Variants in TPX2 observed in about 807,000 individuals in gnomAD.
The protein encoded by TPX2 is TPX2 microtubule nucleation factor.
TPX2 carries 21 observed loss-of-function variants against 93.6 expected under a neutral mutation model. The ratio of observed to expected loss-of-function variants is 0.22; its 90% CI spans 0.16 to 0.32. The LOEUF is 0.32. TPX2 is among the 10% of genes least tolerant of loss of function. The pLI is 1.00. For missense variants in TPX2, 776 were observed against 871.1 expected (o/e 0.89, Z 1.37); for synonymous variants, 281 against 298.3 (o/e 0.94, Z 0.60).
At chr20:31,788,417 CAAA>C (rs11356550) in intron 12 of TPX2, among the ~76,000 whole-genome samples, 6 of 68,690 alleles carry the variant, frequency 8.7e-5, no homozygotes, top group Admixed American at 3.3e-4. Context: ...GACTCTGTCT[CAAA>C]AAAAAAAAAA....
intron 3 of TPX2, among the ~76,000 whole-genome samples, chr20:31,758,905 A>G (rs769819723): frequency 1.3e-5 from 2 of 152,200 alleles, no homozygotes; most frequent in Non-Finnish European, 2.9e-5. Flanking sequence ...AATAAAAAAG[A>G]AAAGAAAAGA....
chr20:31,771,931 A>G (rs190627047), intron 7 of TPX2, among the ~76,000 whole-genome samples: 173 of 151,850 alleles, frequency 1.1e-3, no homozygotes, highest in African/African-American at 3.9e-3. Context: ...GGCTCACTGC[A>G]TCCTTGACCT....
At chr20:31,775,664 C>T (rs1027192438) in intron 7 of TPX2, among the ~76,000 whole-genome samples, 2 of 152,136 alleles carry the variant, frequency 1.3e-5, no homozygotes, top group African/African-American at 4.8e-5. Flanking sequence ...ACATGAGCCA[C>T]CATGCCTGGC....
intron 2 of TPX2, among the ~76,000 whole-genome samples, chr20:31,753,894 C>T (rs1189591660): frequency 5.3e-5 from 8 of 151,842 alleles, no homozygotes; most frequent in African/African-American, 9.7e-5. Context: ...GGCGTGGTGG[C>T]GCACGCTTGT....
intron 12 of TPX2, among the ~76,000 whole-genome samples, chr20:31,791,123 G>A (rs574050377): frequency 6.6e-6 from 1 of 152,194 alleles, no homozygotes; most frequent in African/African-American, 2.4e-5. Context: ...GTAAGGAGGG[G>A]TGAGAGGTAA....
chr20:31,766,288 A>C (rs1405934670), intron 4 of TPX2, among the ~76,000 whole-genome samples: 1 of 152,054 alleles, frequency 6.6e-6, no homozygotes, highest in East Asian at 1.9e-4. Context: ...CAGTGTCCTG[A>C]AATGTCATGA....
intron 12 of TPX2, among the ~76,000 whole-genome samples, chr20:31,791,019 G>T (rs774794523): frequency 6.6e-6 from 1 of 152,096 alleles, no homozygotes; most frequent in African/African-American, 2.4e-5. Context: ...TCAAGCAGCC[G>T]GGGCATTTCA....
At chr20:31,778,718 C>A in intron 9 of TPX2, 95 bp from the exon 10 acceptor site, 1 of 1,235,958 alleles carries the variant, frequency 8.1e-7, no homozygotes, top group South Asian at 1.8e-5. Flanking sequence ...TTACACAGGC[C>A]TTTTTTATTG....
At chr20:31,747,308 A>G (rs976373485) in intron 2 of TPX2, among the ~76,000 whole-genome samples, 1 of 152,052 alleles carries the variant, frequency 6.6e-6, no homozygotes, top group Non-Finnish European at 1.5e-5. Context: ...TTTAGTAGAG[A>G]CGGGTTTCAC....
chr20:31,751,700 G>C (rs2061820654), intron 2 of TPX2, among the ~76,000 whole-genome samples: 1 of 152,104 alleles, frequency 6.6e-6, no homozygotes, highest in Non-Finnish European at 1.5e-5. Flanking sequence ...AATTGCTTTT[G>C]ACTACAGGTG....
chr20:31,747,351 T>C (rs1437151249), intron 2 of TPX2, among the ~76,000 whole-genome samples: 3 of 152,158 alleles, frequency 2.0e-5, no homozygotes, highest in Non-Finnish European at 4.4e-5. Flanking sequence ...AACTCCTGAC[T>C]TCGTGATCCG....
At chr20:31,744,312 G>A (rs1484061129) in intron 2 of TPX2, among the ~76,000 whole-genome samples, 11 of 151,136 alleles carry the variant, frequency 7.3e-5, no homozygotes, top group African/African-American at 2.4e-4. Context: ...ACAGGCACCC[G>A]CAACCACACC....
chr20:31,769,955 G>A (rs745461090), intron 5 of TPX2, among the ~76,000 whole-genome samples: 10 of 152,102 alleles, frequency 6.6e-5, no homozygotes, highest in Non-Finnish European at 1.3e-4. Flanking sequence ...GCACCAGCAC[G>A]TAGGGCTAAT....
intron 12 of TPX2, among the ~76,000 whole-genome samples, chr20:31,784,928 A>C (rs1282898276): frequency 6.6e-6 from 1 of 152,194 alleles, no homozygotes; most frequent in African/African-American, 2.4e-5. Flanking sequence ...GGTCCGGGAT[A>C]ACTCTAGAAG....
intron 5 of TPX2, 113 bp downstream of exon 5, chr20:31,766,795 C>CTTTTTTTTTTTTTTTTTTTTTTTTTTT (rs11299452): frequency 2.4e-6 from 1 of 424,330 alleles, no homozygotes; most frequent in Non-Finnish European, 3.2e-6. Flanking sequence ...CTTTATGTTA[C>CTTTTTTTTTTTTTTTTTTTTTTTTTTT]TTTTTTTTTT....
chr20:31,786,339 A>C (rs1326362249), intron 12 of TPX2, among the ~76,000 whole-genome samples: 1 of 151,696 alleles, frequency 6.6e-6, no homozygotes, highest in African/African-American at 2.4e-5. Flanking sequence ...AAAAAAAAAA[A>C]ACAACAGTCT....
intron 16 of TPX2, among the ~76,000 whole-genome samples, chr20:31,798,058 GA>G (rs1331497259): frequency 6.6e-6 from 1 of 152,058 alleles, no homozygotes; most frequent in African/African-American, 2.4e-5. Flanking sequence ...TCCAAAAAGG[GA>G]AAAAAAGAAT....
intron 7 of TPX2, among the ~76,000 whole-genome samples, chr20:31,773,885 T>A (rs1027103350): frequency 1.1e-4 from 17 of 151,806 alleles, no homozygotes; most frequent in Non-Finnish European, 1.3e-4. Context: ...TTTTTTTTTT[T>A]ATCGAGATGG....
At chr20:31,776,518 ACTTT>A (rs1391502710) in intron 8 of TPX2, among the ~76,000 whole-genome samples, 3 of 151,038 alleles carry the variant, frequency 2.0e-5, no homozygotes, top group African/African-American at 4.8e-5. Flanking sequence ...ATATATCGGT[ACTTT>A]CTTTCTTTTT....
Sources: gnomAD v4.1 joint callset for allele counts (sites outside exome capture counted in the v4.1 genomes callset) on GRCh38, gnomAD v4.1.1 for gene constraint, MANE v1.5 for transcripts, NCBI Gene and HGNC (gene_info 2026-07-23, HGNC 2026-07-21) for gene names.